The following CCDC33 variants were observed in gnomAD, a reference collection of about 807,000 sequenced individuals.
The protein encoded by CCDC33 is coiled-coil domain-containing protein 33.
CCDC33 carries 94 observed loss-of-function variants against 91.9 expected under a neutral mutation model. That is an observed-to-expected ratio of 1.02 (90% CI 0.87 to 1.21). CCDC33 has a LOEUF of 1.21. Among genes scored for constraint, CCDC33 ranks in the 50% most tolerant of loss-of-function variants. CCDC33 has a pLI of 0.00. For missense variants in CCDC33, 940 were observed against 935.5 expected (o/e 1.00, Z -0.06); for synonymous variants, 396 against 374.5 (o/e 1.06, Z -0.66).
chr15:74,233,823 A>G (rs895728581), upstream of CCDC33, among the ~76,000 whole-genome samples: 5 of 152,216 alleles, frequency 3.3e-5, no homozygotes, highest in Non-Finnish European at 1.5e-5. Context: ...ATTTTGCCCA[A>G]GATCACACAG....
At chr15:74,215,322 A>C (rs532888004), upstream of CCDC33, among the ~76,000 whole-genome samples, 12 of 151,868 alleles carry the variant, frequency 7.9e-5, no homozygotes, top group South Asian at 2.3e-3. Context: ...TGAAGCACTG[A>C]GTATTCAAAT....
In CCDC33 at chr15:74,335,064, G is replaced by A. The variant is rs747250887; in HGVS notation, c.2115G>A (p.Ser705=). The A allele has an allele frequency of 5.0e-6, 8 of 1,613,842 alleles. No individual in the cohort carries two copies. The African/African-American group carries it at 8.0e-5, about 16-fold the overall frequency. The change falls in exon 18 of 19, where the codon TCG becomes TCA. Residue 705 remains serine, a synonymous_variant. Coordinates refer to ENST00000398814, the MANE Select transcript of CCDC33 (RefSeq NM_025055.5). Reference sequence around the variant, plus strand: ...AAGAAAAAGGTTTCAGGCACCCCTCGAACTCCATCATCATAGAACAGCCTG... The same window carrying A: ...AAGAAAAAGGTTTCAGGCACCCCTCAAACTCCATCATCATAGAACAGCCTG... ...QEQEKGFRHP[S]NSIIIEQPSA... is the part of the protein sequence containing the mutation.
intron 2 of CCDC33, among the ~76,000 whole-genome samples, chr15:74,222,170 C>T (rs1458468956): frequency 2.0e-5 from 3 of 152,206 alleles, no homozygotes; most frequent in African/African-American, 7.2e-5. Context: ...GAGGCCACAA[C>T]GCTTCTGGTA....
chr15:74,217,284 G>T (rs1257536902), exon 1 of CCDC33: 5 of 1,273,958 alleles, frequency 3.9e-6, no homozygotes, highest in Non-Finnish European at 5.1e-6. Context: ...GGCATTCAGG[G>T]GGCCTGAACC....
chr15:74,237,548 G>A (rs2075205108), intron 1 of CCDC33, among the ~76,000 whole-genome samples: 1 of 152,194 alleles, frequency 6.6e-6, no homozygotes, highest in African/African-American at 2.4e-5. Flanking sequence ...AGGCCCTAGT[G>A]TGATTTCCAC....
intron 2 of CCDC33, among the ~76,000 whole-genome samples, chr15:74,248,195 G>A (rs1025304713): frequency 1.3e-5 from 2 of 152,068 alleles, no homozygotes; most frequent in Non-Finnish European, 2.9e-5. Flanking sequence ...ACTTGATCAT[G>A]ATGATCACTG....
At position 74,217,400 on chromosome 15, in the gene CCDC33, C is replaced by G; in HGVS notation, c.129C>G (p.Tyr43Ter). ...TGGGGTTTAATGAGGCGGGTAGATA[C>G]GCCCTGAGACTGTCAGCAGAGAACC... The change falls in exon 1 of 3, where the codon TAC becomes TAG. Residue 43 changes from tyrosine (Y) to a stop codon, truncating the protein, a stop_gained. Transcript: ENST00000635913. LOFTEE classifies it high-confidence loss of function. 1.6e-6 allele frequency: 2 copies of G among 1,289,776 alleles called. No homozygotes were observed. The highest frequency in any genetic ancestry group is 2.0e-6 in the Non-Finnish European group (2 of 988,860). 79.9% of individuals were successfully genotyped at this position (1,289,776 alleles called of 1,614,324 possible).
chr15:74,262,567 C>A lies in CCDC33; in HGVS notation c.313C>A (p.Gln105Lys). 6.2e-7 allele frequency: 1 copy of A among 1,612,674 alleles called. No homozygotes were observed. The highest frequency in any genetic ancestry group is 8.5e-7 in the Non-Finnish European group (1 of 1,179,430). ...GGAGATCCAAGCTGAGGATGCAGGG[C>A]AAGAAGGTAAGCAGGGGCTGGGCAG... is the stretch of plus-strand genomic sequence containing the variant. ...NVEIQAEDAG[Q>K]EDVILKVVDN... The change falls in exon 3 of 19, where the codon CAA becomes AAA. Residue 105 changes from glutamine to lysine, a missense_variant. Gln to Lys is a moderately conservative substitution (Grantham distance 53, BLOSUM62 1). Transcript: ENST00000398814.
intron 1 of CCDC33, chr15:74,208,910 G>T: frequency 1.0e-6 from 1 of 990,506 alleles, no homozygotes; most frequent in Non-Finnish European, 1.2e-6. Flanking sequence ...CCAACACGGG[G>T]CCTTCTCCTC....
intron 11 of CCDC33, chr15:74,318,422 G>T: frequency 1.8e-6 from 1 of 542,442 alleles, no homozygotes; most frequent in Non-Finnish European, 3.2e-6. Context: ...AACCTTGCAT[G>T]ATTTCAGCCA....
At chr15:74,270,662 T>G (rs1246198672) in intron 5 of CCDC33, among the ~76,000 whole-genome samples, 1 of 151,902 alleles carries the variant, frequency 6.6e-6, no homozygotes, top group Non-Finnish European at 1.5e-5. Flanking sequence ...TGGGAGCCAT[T>G]GGTGGATACA....
chr15:74,203,033 A>C lies in CCDC33; in HGVS notation n.24A>C, dbSNP rs62003660. Reference sequence around the variant, plus strand: ...TTCAGCGCCTGCCCCAGAGCTCCCAAGCCCCTGCCCGCCACATCTGCAGTG... The same window carrying C: ...TTCAGCGCCTGCCCCAGAGCTCCCACGCCCCTGCCCGCCACATCTGCAGTG... On this transcript the variant is annotated non_coding_transcript_exon_variant, in exon 1 of 4. Coordinates refer to the CCDC33 transcript ENST00000558645. The C allele has an allele frequency of 0.2, 194,633 of 985,752 alleles. 20,854 individuals carry two copies. Among genetic ancestry groups the C allele is most frequent in the Non-Finnish European group, 0.22 (180,385 of 830,254 alleles). 61.1% of individuals were successfully genotyped at this position (985,752 alleles called of 1,614,324 possible). A position where few individuals can be genotyped will look rare whatever the true frequency, so the allele number is the denominator to read the frequency against.
intron 11 of CCDC33, among the ~76,000 whole-genome samples, chr15:74,298,416 G>A (rs551109964): frequency 5.9e-5 from 9 of 152,264 alleles, no homozygotes; most frequent in African/African-American, 2.2e-4. Flanking sequence ...AAGAATATTA[G>A]AATAACATGG....
intron 11 of CCDC33, among the ~76,000 whole-genome samples, chr15:74,307,212 C>T (rs2059908174): frequency 6.6e-6 from 1 of 152,150 alleles, no homozygotes; most frequent in Non-Finnish European, 1.5e-5. Flanking sequence ...GAACCAGGAG[C>T]GACTGGGAGA....
chr15:74,262,108 G>C (rs2076039473), intron 2 of CCDC33, among the ~76,000 whole-genome samples: 1 of 152,162 alleles, frequency 6.6e-6, no homozygotes, highest in Non-Finnish European at 1.5e-5. Flanking sequence ...ACGGGCTCCT[G>C]CTGGAGAGCC....
chr15:74,305,340 G>A (rs953307979), intron 11 of CCDC33, among the ~76,000 whole-genome samples: 1 of 152,196 alleles, frequency 6.6e-6, no homozygotes, highest in Non-Finnish European at 1.5e-5. Flanking sequence ...AAGAAGCAAC[G>A]GCTGTTTGCA....
intron 1 of CCDC33, chr15:74,207,582 G>T: frequency 9.7e-7 from 1 of 1,026,256 alleles, no homozygotes; most frequent in Non-Finnish European, 1.4e-6. Context: ...GAGTCCAGCA[G>T]CAAACCCAAT....
chr15:74,215,887 AAAGAAAG>A (rs1567207994), upstream of CCDC33, among the ~76,000 whole-genome samples: 2 of 129,424 alleles, frequency 1.5e-5, no homozygotes, highest in African/African-American at 4.4e-5. Flanking sequence ...AAAAAAAAAA[AAAGAAAG>A]AAAGAAAGAA....
chr15:74,271,904 T>C, intron 6 of CCDC33, 110 bp downstream of exon 6: 1 of 874,730 alleles, frequency 1.1e-6, no homozygotes. Flanking sequence ...CGGCAACCCC[T>C]CTACCCCTAA....
Sources: gnomAD v4.1 joint callset for allele counts (sites outside exome capture counted in the v4.1 genomes callset) on GRCh38, gnomAD v4.1.1 for gene constraint, MANE v1.5 for transcripts, NCBI Gene and HGNC (gene_info 2026-07-23, HGNC 2026-07-21) for gene names.